Variants in TMEFF1 observed in about 807,000 individuals in gnomAD.
TMEFF1 encodes the protein tomoregulin-1.
A neutral mutation model predicts 47.5 loss-of-function variants in TMEFF1; 20 were observed. The observed-to-expected ratio is 0.42, with a 90% CI of 0.30 to 0.61. The LOEUF is 0.61. Among genes scored for constraint, TMEFF1 ranks in the 20% least tolerant of loss-of-function variants. TMEFF1 has a pLI of 0.19. For missense variants in TMEFF1, 411 were observed against 471.1 expected, an observed-to-expected ratio of 0.87 and a Z score of 1.18; for synonymous variants, 162 against 166.3, an observed-to-expected ratio of 0.97 and a Z score of 0.20.
At position 100,561,460 on chromosome 9, in the gene TMEFF1, A is replaced by G. The variant is rs751798554; in HGVS notation, c.839A>G (p.Asn280Ser). ...GNHMPCPENLNGYCIHGKCEF... is the reference protein window; with the variant it reads ...GNHMPCPENLSGYCIHGKCEF... ...CACATGCCTTGCCCTGAAAACCTCA[A>G]TGGTTACTGCATCCATGGAAAATGT... The change falls in exon 8 of 10, where the codon AAT becomes AGT. Residue 280 changes from asparagine (N) to serine (S), a missense_variant. Physicochemically the swap from Asn to Ser is conservative, Grantham distance 46 (BLOSUM62 1). Transcript: ENST00000374879. 29 of 1,613,804 alleles carry G rather than the reference A, an allele frequency of 1.8e-5. No homozygotes were observed. The highest frequency in any genetic ancestry group is 1.9e-5 in the Non-Finnish European group (22 of 1,179,874).
At chr9:100,553,689 G>A (rs1838866837) in intron 7 of TMEFF1, among the ~76,000 whole-genome samples, 1 of 152,128 alleles carries the variant, frequency 6.6e-6, no homozygotes, top group Non-Finnish European at 1.5e-5. Flanking sequence ...TATGGGAGAT[G>A]GGTATGTGGC....
chr9:100,547,069 A>G (rs1182303573), intron 5 of TMEFF1, among the ~76,000 whole-genome samples: 4 of 152,156 alleles, frequency 2.6e-5, no homozygotes, highest in African/African-American at 9.7e-5. Context: ...AGGCTGGAGT[A>G]CAGTGGTGCA....
At chr9:100,545,277 C>T (rs746557267) in intron 5 of TMEFF1, among the ~76,000 whole-genome samples, 2 of 152,240 alleles carry the variant, frequency 1.3e-5, no homozygotes, top group Non-Finnish European at 2.9e-5. Flanking sequence ...CCAGGCATTT[C>T]CATACATCCT....
intron 1 of TMEFF1, among the ~76,000 whole-genome samples, chr9:100,492,540 G>A (rs186693687): frequency 2.6e-5 from 4 of 152,286 alleles, no homozygotes; most frequent in East Asian, 3.9e-4. Flanking sequence ...TGCTCTGTAG[G>A]TTTTATAGAG....
chr9:100,563,197 C>T (rs946566420), intron 8 of TMEFF1, among the ~76,000 whole-genome samples: 7 of 152,316 alleles, frequency 4.6e-5, no homozygotes, highest in Non-Finnish European at 4.4e-5. Context: ...ATTAAATCTG[C>T]GTGCCTCAGA....
intron 8 of TMEFF1, among the ~76,000 whole-genome samples, chr9:100,562,618 GTTT>G (rs368162371): frequency 1.4e-5 from 2 of 144,750 alleles, no homozygotes; most frequent in African/African-American, 2.6e-5. Flanking sequence ...AACAGGCCAG[GTTT>G]TTTTTTTTGT....
intron 5 of TMEFF1, among the ~76,000 whole-genome samples, chr9:100,544,242 C>T (rs1344555590): frequency 6.6e-6 from 1 of 152,024 alleles, no homozygotes; most frequent in Non-Finnish European, 1.5e-5. Context: ...TGTTTTCACA[C>T]TGCTGATAAA....
chr9:100,570,136 A>G (rs1225084350), intron 8 of TMEFF1, among the ~76,000 whole-genome samples: 1 of 152,132 alleles, frequency 6.6e-6, no homozygotes, highest in Non-Finnish European at 1.5e-5. Context: ...GCTGAATAGT[A>G]TTCCATTTTG....
In TMEFF1 at chr9:100,576,515, GA is replaced by G; in HGVS notation, c.1062del (p.Lys354AsnfsTer15). 6.2e-7 allele frequency: 1 copy of G among 1,606,134 alleles called. No homozygotes were observed. Among genetic ancestry groups the G allele is most frequent in the Admixed American group, 1.7e-5 (1 of 57,944 alleles). The part of the protein sequence containing the change: ...IIVAIVMCIT[R>X]KCPKNNRGRR... ...CTCTCTTTCTTTTTTTAATGCAACA[GA>G]AAATGCCCCAAAAACAATAGAGGAC... On this transcript the variant is annotated frameshift_variant and splice_region_variant, in exon 10 of 10. Transcript: ENST00000374879. LOFTEE classifies it high-confidence loss of function.
chr9:100,502,482 C>T (rs1837781082), intron 2 of TMEFF1, among the ~76,000 whole-genome samples: 2 of 152,044 alleles, frequency 1.3e-5, no homozygotes, highest in African/African-American at 4.8e-5. Flanking sequence ...ACCCCAGCCT[C>T]CTGAGTAGCT....
intron 5 of TMEFF1, among the ~76,000 whole-genome samples, chr9:100,546,667 T>C (rs985540050): frequency 2.0e-5 from 3 of 152,222 alleles, no homozygotes; most frequent in African/African-American, 4.8e-5. Flanking sequence ...CCTGACTTTC[T>C]TACCAACTTG....
intron 9 of TMEFF1, among the ~76,000 whole-genome samples, chr9:100,574,965 C>T (rs1839319160): frequency 6.6e-6 from 1 of 152,202 alleles, no homozygotes. Context: ...CAGTGTATTT[C>T]TAACTATGTC....
In TMEFF1 at chr9:100,487,750, A is replaced by G. The variant is rs144404741; in HGVS notation, c.197-11015A>G. On this transcript the variant is annotated intron_variant, in intron 1 of 9. Coordinates refer to ENST00000374879, the MANE Select transcript of TMEFF1 (RefSeq NM_003692.5). Reference sequence around the variant, plus strand: ...GATCTCTTATAACCATTGGAATCCTATAAGGGATTATTATACTCCTTTTTT... The same window carrying G: ...GATCTCTTATAACCATTGGAATCCTGTAAGGGATTATTATACTCCTTTTTT... 2.0e-4 allele frequency among the ~76,000 whole-genome samples: 30 copies of G among 149,646 alleles called. No individual in the cohort carries two copies. In the East Asian group the frequency reaches 3.9e-3, roughly 19 times the overall value.
chr9:100,558,315 G>A (rs1190757740), intron 7 of TMEFF1, among the ~76,000 whole-genome samples: 6 of 151,982 alleles, frequency 3.9e-5, no homozygotes, highest in Middle Eastern at 3.2e-3. Flanking sequence ...GGTGCATAAC[G>A]TTATTCTCTA....
intron 5 of TMEFF1, among the ~76,000 whole-genome samples, chr9:100,528,790 C>T (rs1349864142): frequency 2.9e-5 from 3 of 103,572 alleles, no homozygotes; most frequent in African/African-American, 1.2e-4. Flanking sequence ...ACATAATTGT[C>T]AGATTCACCA....
At chr9:100,509,536 G>A (rs1254423281) in intron 3 of TMEFF1, among the ~76,000 whole-genome samples, 2 of 152,140 alleles carry the variant, frequency 1.3e-5, no homozygotes, top group Non-Finnish European at 2.9e-5. Context: ...CACTTTGGGA[G>A]GCTGAGGCGG....
At chr9:100,530,456 A>T (rs11560555) in intron 5 of TMEFF1, among the ~76,000 whole-genome samples, 6,711 of 152,220 alleles carry the variant, frequency 0.044, 337 homozygotes, top group South Asian at 0.22. Context: ...TACTACAAAC[A>T]CCTCTACGCA....
chr9:100,483,132 A>G (rs1416584184), intron 1 of TMEFF1, among the ~76,000 whole-genome samples: 2 of 152,198 alleles, frequency 1.3e-5, no homozygotes, highest in African/African-American at 2.4e-5. Context: ...TATATGTTAC[A>G]GATGGGTTTT....
At chr9:100,573,383 A>G (rs921248035) in intron 9 of TMEFF1, among the ~76,000 whole-genome samples, 7 of 152,298 alleles carry the variant, frequency 4.6e-5, no homozygotes, top group Admixed American at 2.0e-4. Context: ...ATTATTCGTC[A>G]TAAATTAAAT....
Sources: gnomAD v4.1 joint callset for allele counts (sites outside exome capture counted in the v4.1 genomes callset) on GRCh38, gnomAD v4.1.1 for gene constraint, MANE v1.5 for transcripts, NCBI Gene and HGNC (gene_info 2026-07-23, HGNC 2026-07-21) for gene names.